Variants in MEMO1 observed in about 807,000 individuals in gnomAD.
MEMO1 encodes the protein mediator of cell motility 1.
MEMO1 carries 6 observed loss-of-function variants against 45.2 expected under a neutral mutation model. The observed-to-expected ratio is 0.13, with a 90% confidence interval of 0.07 to 0.26. MEMO1 has a LOEUF of 0.26. Ranked by LOEUF, MEMO1 falls within the 10% of genes least tolerant of loss-of-function variation. The pLI, the probability that MEMO1 is intolerant of heterozygous loss-of-function variation, is 1.00. For missense variants in MEMO1, 184 were observed against 370.5 expected (o/e 0.50, Z 4.13); for synonymous variants, 78 against 124.3 (o/e 0.63, Z 2.48).
At chr2:31,986,478 AAAT>A (rs914949889) in intron 2 of MEMO1, among the ~76,000 whole-genome samples, 3 of 152,136 alleles carry the variant, frequency 2.0e-5, no homozygotes, top group African/African-American at 4.8e-5. Flanking sequence ...TCTCAAAAAA[AAAT>A]AATAATAATA....
intron 3 of MEMO1, among the ~76,000 whole-genome samples, chr2:31,935,456 C>CA (rs1355917178): frequency 1.3e-5 from 2 of 152,016 alleles, no homozygotes; most frequent in Non-Finnish European, 2.9e-5. Context: ...TGAAGACTTC[C>CA]AAGTCTGCTT....
chr2:31,939,526 T>C (rs1558519405), intron 3 of MEMO1, among the ~76,000 whole-genome samples: 7 of 152,194 alleles, frequency 4.6e-5, no homozygotes. Flanking sequence ...CTCAACTTAA[T>C]TATATGTTGA....
chr2:31,943,471 G>A, intron 2 of MEMO1, 88 bp from the exon 3 acceptor site: 1 of 942,042 alleles, frequency 1.1e-6, no homozygotes. Context: ...CTGAACTTAT[G>A]TGGGACTAAA....
At chr2:31,919,872 TTA>T (rs1384610047) in intron 5 of MEMO1, among the ~76,000 whole-genome samples, 1 of 150,166 alleles carries the variant, frequency 6.7e-6, no homozygotes, top group East Asian at 1.9e-4. Flanking sequence ...GTGTGTGTGT[TTA>T]TATATATACA....
chr2:31,874,623 T>TG (rs978587158), intron 8 of MEMO1, among the ~76,000 whole-genome samples: 5 of 152,050 alleles, frequency 3.3e-5, no homozygotes, highest in African/African-American at 1.2e-4. Context: ...ATGCTAATTT[T>TG]GAACAGATGT....
chr2:31,911,339 A>G (rs1680542125), intron 6 of MEMO1, among the ~76,000 whole-genome samples: 1 of 152,200 alleles, frequency 6.6e-6, no homozygotes, highest in Admixed American at 6.5e-5. Flanking sequence ...TGAGACAGTA[A>G]ACTGATCAGT....
At chr2:31,932,171 A>T in intron 3 of MEMO1, 36 bp from the exon 4 acceptor site, 1 of 1,569,692 alleles carries the variant, frequency 6.4e-7, no homozygotes, top group Non-Finnish European at 8.8e-7. Context: ...TAATCATCAG[A>T]TTCAAAATCA....
At chr2:31,967,975 T>C (rs548130581) in intron 2 of MEMO1, among the ~76,000 whole-genome samples, 24 of 152,126 alleles carry the variant, frequency 1.6e-4, no homozygotes, top group African/African-American at 5.8e-4. Context: ...CATACTTAGA[T>C]AATAAGAATC....
At chr2:31,914,083 A>G (rs1048320632) in intron 6 of MEMO1, among the ~76,000 whole-genome samples, 4 of 152,216 alleles carry the variant, frequency 2.6e-5, no homozygotes, top group African/African-American at 9.6e-5. Flanking sequence ...GAGATAGACG[A>G]GAACCAAGAT....
intron 2 of MEMO1, among the ~76,000 whole-genome samples, chr2:31,964,466 G>A (rs1257402379): frequency 6.6e-6 from 1 of 152,168 alleles, no homozygotes; most frequent in Non-Finnish European, 1.5e-5. Context: ...GGAGGCCGAG[G>A]CGGGTGGATC....
chr2:31,981,707 A>G (rs1670659082), intron 2 of MEMO1, among the ~76,000 whole-genome samples: 1 of 152,210 alleles, frequency 6.6e-6, no homozygotes, highest in Non-Finnish European at 1.5e-5. Context: ...CTCAATTCCA[A>G]TAAATTTATT....
intron 2 of MEMO1, among the ~76,000 whole-genome samples, chr2:31,967,992 C>T (rs1668836284): frequency 6.6e-6 from 1 of 151,994 alleles, no homozygotes; most frequent in Admixed American, 6.6e-5. Context: ...AATCAAAACT[C>T]GCAATGATGG....
chr2:31,949,333 T>C (rs1436240823), intron 2 of MEMO1, among the ~76,000 whole-genome samples: 1 of 152,118 alleles, frequency 6.6e-6, no homozygotes, highest in African/African-American at 2.4e-5. Flanking sequence ...CAGCACAGTT[T>C]ACAATAGCTA....
At position 31,941,095 on chromosome 2, in the gene MEMO1, T is replaced by C. The variant is rs528693575; in HGVS notation, c.143+2207A>G. Among the ~76,000 whole-genome samples, 350 of 152,362 alleles carry C rather than the reference T, an allele frequency of 2.3e-3. 1 individual carries two copies. The highest frequency in any genetic ancestry group is 5.6e-3 in the South Asian group (27 of 4,832). Reference sequence around the variant, plus strand: ...TCATTCTACTGCTCAAAACTTGTCATGACTTGCCATATCACTCAGAATAAA... The same window carrying C: ...TCATTCTACTGCTCAAAACTTGTCACGACTTGCCATATCACTCAGAATAAA... On this transcript the variant is annotated intron_variant, in intron 3 of 9. Coordinates refer to ENST00000404530, the MANE Select transcript of MEMO1 (RefSeq NM_001301833.4).
chr2:31,907,176 A>G (rs1380264353), intron 6 of MEMO1, among the ~76,000 whole-genome samples: 1 of 152,138 alleles, frequency 6.6e-6, no homozygotes, highest in Non-Finnish European at 1.5e-5. Flanking sequence ...CCCCTTAATG[A>G]AGCCCTTTCT....
At chr2:31,885,521 A>G (rs1183664714) in intron 7 of MEMO1, among the ~76,000 whole-genome samples, 1 of 152,246 alleles carries the variant, frequency 6.6e-6, no homozygotes, top group East Asian at 1.9e-4. Context: ...ATTTGATACT[A>G]AATTTTTACT....
intron 2 of MEMO1, among the ~76,000 whole-genome samples, chr2:31,998,689 A>G (rs1048640999): frequency 1.3e-5 from 2 of 151,904 alleles, no homozygotes; most frequent in Non-Finnish European, 2.9e-5. Flanking sequence ...AATCCCAGCT[A>G]CTCGGGAGGC....
At chr2:31,955,820 C>A (rs570709197) in intron 2 of MEMO1, among the ~76,000 whole-genome samples, 8 of 152,218 alleles carry the variant, frequency 5.3e-5, no homozygotes, top group Middle Eastern at 3.4e-3. Flanking sequence ...GTTGGTCAGG[C>A]TTGTCTCAAA....
chr2:31,899,943 T>G (rs1340154788), intron 6 of MEMO1, among the ~76,000 whole-genome samples: 1 of 152,236 alleles, frequency 6.6e-6, no homozygotes, highest in Non-Finnish European at 1.5e-5. Context: ...TCATCATCAC[T>G]GGTCATTAGA....
Sources: allele counts gnomAD v4.1 joint callset (sites outside exome capture counted in the v4.1 genomes callset), GRCh38; gene constraint gnomAD v4.1.1; transcripts MANE v1.5; gene names NCBI Gene and HGNC (gene_info 2026-07-23, HGNC 2026-07-21).